The following CELF4 variants were observed in gnomAD, a reference collection of about 807,000 sequenced individuals.
The protein encoded by CELF4 is CUG-BP- and ETR-3-like factor 4.
CELF4 carries 18 observed loss-of-function variants against 59.9 expected under a neutral mutation model. The ratio of observed to expected loss-of-function variants is 0.30; its 90% CI spans 0.21 to 0.45. The LOEUF (loss-of-function observed/expected upper bound fraction) is 0.45. Ranked by LOEUF, CELF4 falls within the 20% of genes least tolerant of loss-of-function variation. The probability of loss-of-function intolerance (pLI) is 1.00; values close to 1 mark genes in which losing one functional copy is unlikely to be tolerated. For synonymous variants in CELF4, 261 were observed against 267.1 expected (o/e 0.98, Z 0.22); for missense variants, 456 against 689.0 (o/e 0.66, Z 3.79).
chr18:37,385,354 C>CAAAAAAAAAAAAA (rs34504926), intron 2 of CELF4, among the ~76,000 whole-genome samples: 1 of 100,522 alleles, frequency 9.9e-6, no homozygotes, highest in Non-Finnish European at 2.0e-5. Context: ...GACTCCATCT[C>CAAAAAAAAAAAAA]AAAAAAAAAA....
intron 8 of CELF4, among the ~76,000 whole-genome samples, chr18:37,270,468 C>G (rs1051891866): frequency 5.9e-5 from 9 of 152,236 alleles, no homozygotes; most frequent in Non-Finnish European, 1.5e-5. Flanking sequence ...ACTTACTGGC[C>G]TCTCTACATG....
At chr18:37,298,148 G>T (rs1351877700) in intron 3 of CELF4, among the ~76,000 whole-genome samples, 1 of 152,242 alleles carries the variant, frequency 6.6e-6, no homozygotes, top group African/African-American at 2.4e-5. Flanking sequence ...ACCCAGGGCT[G>T]CAGGAAGGAG....
At chr18:37,351,007 C>T in intron 2 of CELF4, among the ~76,000 whole-genome samples, 1 of 152,248 alleles carries the variant, frequency 6.6e-6, no homozygotes, top group Middle Eastern at 3.2e-3. Flanking sequence ...CTGTCGGTCA[C>T]ATCCCTACCC....
chr18:37,375,339 G>A (rs960633624), intron 2 of CELF4, among the ~76,000 whole-genome samples: 2 of 152,158 alleles, frequency 1.3e-5, no homozygotes, highest in African/African-American at 4.8e-5. Flanking sequence ...AAGCGATGAC[G>A]CCGGCTGGAC....
At chr18:37,330,797 C>A (rs1362827190) in intron 2 of CELF4, among the ~76,000 whole-genome samples, 1 of 152,164 alleles carries the variant, frequency 6.6e-6, no homozygotes. Context: ...CACCACCGGA[C>A]AGTCTTGTTT....
intron 3 of CELF4, among the ~76,000 whole-genome samples, chr18:37,321,436 C>T (rs936444249): frequency 6.6e-6 from 1 of 152,232 alleles, no homozygotes; most frequent in Non-Finnish European, 1.5e-5. Flanking sequence ...CAGCTGTGAC[C>T]ACTTCTTGTC....
intron 2 of CELF4, among the ~76,000 whole-genome samples, chr18:37,391,614 C>T (rs769029252): frequency 1.3e-5 from 2 of 152,234 alleles, no homozygotes; most frequent in Non-Finnish European, 2.9e-5. Flanking sequence ...CCTTGGTTGT[C>T]TTGATGTCCT....
intron 1 of CELF4, among the ~76,000 whole-genome samples, chr18:37,546,724 C>G (rs1490491041): frequency 6.6e-6 from 1 of 152,174 alleles, no homozygotes; most frequent in Non-Finnish European, 1.5e-5. Context: ...TCCAGCAGAA[C>G]CACAGGATGC....
chr18:37,553,304 G>C (rs2099983797), intron 1 of CELF4, among the ~76,000 whole-genome samples: 1 of 152,152 alleles, frequency 6.6e-6, no homozygotes, highest in Admixed American at 6.5e-5. Context: ...GCCTCAGCTG[G>C]ACCGGGGTGG....
intron 1 of CELF4, among the ~76,000 whole-genome samples, chr18:37,521,271 GT>G (rs986461358): frequency 3.9e-5 from 6 of 152,136 alleles, no homozygotes; most frequent in African/African-American, 1.4e-4. Context: ...CTTCTCTGAT[GT>G]TTCAGGCACG....
At chr18:37,474,548 C>A (rs1230546537) in intron 2 of CELF4, among the ~76,000 whole-genome samples, 5 of 152,236 alleles carry the variant, frequency 3.3e-5, no homozygotes, top group African/African-American at 1.2e-4. Flanking sequence ...GGCGCCAGAT[C>A]TCTCCATGGT....
intron 2 of CELF4, among the ~76,000 whole-genome samples, chr18:37,404,750 T>C (rs1161196510): frequency 6.6e-6 from 1 of 152,096 alleles, no homozygotes. Flanking sequence ...AGTGTGGAGG[T>C]GTGGCTGCCC....
chr18:37,564,295 G>T (rs1259943665), intron 1 of CELF4, among the ~76,000 whole-genome samples: 1 of 152,124 alleles, frequency 6.6e-6, no homozygotes, highest in Non-Finnish European at 1.5e-5. Context: ...CTGTTAGGAA[G>T]CGGAGCACTG....
chr18:37,402,346 A>G (rs2099338465), intron 2 of CELF4, among the ~76,000 whole-genome samples: 1 of 152,184 alleles, frequency 6.6e-6, no homozygotes, highest in Non-Finnish European at 1.5e-5. Context: ...TCTTGCTCCT[A>G]AACGCTCCTA....
chr18:37,535,833 C>T (rs1363705202), intron 1 of CELF4, among the ~76,000 whole-genome samples: 2 of 152,144 alleles, frequency 1.3e-5, no homozygotes, highest in South Asian at 2.1e-4. Flanking sequence ...AGAGAGAACA[C>T]GATTCACTTC....
chr18:37,509,776 T>C (rs993731864), intron 1 of CELF4, among the ~76,000 whole-genome samples: 3 of 152,254 alleles, frequency 2.0e-5, no homozygotes, highest in Non-Finnish European at 2.9e-5. Flanking sequence ...CATCAGCTTA[T>C]GAATGGATAA....
At chr18:37,410,040 G>A (rs961353690) in intron 2 of CELF4, among the ~76,000 whole-genome samples, 3 of 152,132 alleles carry the variant, frequency 2.0e-5, no homozygotes, top group African/African-American at 4.8e-5. Context: ...AGGCGGAGAC[G>A]GCCTCAGGGC....
At chr18:37,464,208 A>C (rs1039867432) in intron 2 of CELF4, among the ~76,000 whole-genome samples, 8 of 152,192 alleles carry the variant, frequency 5.3e-5, no homozygotes, top group African/African-American at 1.4e-4. Flanking sequence ...TGAGAGAGAC[A>C]ATTAGTTTTT....
intron 3 of CELF4, among the ~76,000 whole-genome samples, chr18:37,293,087 T>G (rs776896034): frequency 6.6e-6 from 1 of 152,166 alleles, no homozygotes. Context: ...GAAGCCTAGA[T>G]GTGGGCCCAC....
Sources: allele counts gnomAD v4.1 joint callset (sites outside exome capture counted in the v4.1 genomes callset), GRCh38; gene constraint gnomAD v4.1.1; transcripts MANE v1.5; gene names NCBI Gene and HGNC (gene_info 2026-07-23, HGNC 2026-07-21).